Variants in APBB2 observed in about 807,000 individuals in gnomAD.
APBB2 encodes Fe65-like 1.
APBB2 carries 38 observed loss-of-function variants against 82.5 expected under a neutral mutation model. The ratio of observed to expected loss-of-function variants is 0.46; its 90% CI spans 0.36 to 0.60. The LOEUF (loss-of-function observed/expected upper bound fraction) is 0.60. APBB2 is among the 20% of genes least tolerant of loss of function. The pLI, the probability that APBB2 is intolerant of heterozygous loss-of-function variation, is 0.00. For missense variants in APBB2, 772 were observed against 972.3 expected, an observed-to-expected ratio of 0.79 and a Z score of 2.74; for synonymous variants, 341 against 368.2, an observed-to-expected ratio of 0.93 and a Z score of 0.85.
chr4:40,821,738 G>A (rs1412839661), intron 17 of APBB2, 133 bp downstream of exon 17: 5 of 1,018,812 alleles, frequency 4.9e-6, no homozygotes, highest in Admixed American at 2.7e-5. Context: ...TAGGAATGAC[G>A]GCGTTATAAA....
chr4:41,067,587 T>C (rs1014451337), intron 3 of APBB2, among the ~76,000 whole-genome samples: 1 of 152,050 alleles, frequency 6.6e-6, no homozygotes, highest in Non-Finnish European at 1.5e-5. Context: ...TGCAGGAACA[T>C]AGACAGAAGG....
chr4:40,916,222 C>T (rs1301608167), intron 10 of APBB2, among the ~76,000 whole-genome samples: 1 of 152,184 alleles, frequency 6.6e-6, no homozygotes, highest in East Asian at 1.9e-4. Flanking sequence ...AAGGAGACCA[C>T]AGTCAGCCAC....
At chr4:41,110,711 T>C (rs1455415097) in intron 2 of APBB2, among the ~76,000 whole-genome samples, 2 of 152,084 alleles carry the variant, frequency 1.3e-5, no homozygotes, top group Non-Finnish European at 1.5e-5. Context: ...TCTGAGCCCC[T>C]TTGCATCCCC....
chr4:40,854,524 C>T (rs1040204667), intron 12 of APBB2, among the ~76,000 whole-genome samples: 3 of 152,102 alleles, frequency 2.0e-5, no homozygotes, highest in Admixed American at 6.5e-5. Flanking sequence ...CGGTGGCTCA[C>T]GCCTGTAATC....
intron 1 of APBB2, among the ~76,000 whole-genome samples, chr4:41,183,185 C>T (rs989460913): frequency 6.6e-6 from 1 of 152,182 alleles, no homozygotes; most frequent in African/African-American, 2.4e-5. Flanking sequence ...AACCTGTCCA[C>T]ACCACCGCCC....
intron 6 of APBB2, among the ~76,000 whole-genome samples, chr4:40,987,841 C>G (rs1235586474): frequency 2.0e-5 from 3 of 152,106 alleles, no homozygotes; most frequent in Non-Finnish European, 4.4e-5. Flanking sequence ...GAATGGTCAC[C>G]TCTCTAGAAT....
chr4:41,189,360 G>A (rs1773783415), intron 1 of APBB2, among the ~76,000 whole-genome samples: 1 of 152,166 alleles, frequency 6.6e-6, no homozygotes, highest in East Asian at 1.9e-4. Context: ...CTGTCTGGAA[G>A]GGGCAGGAGG....
chr4:41,062,347 A>T (rs144273254), intron 4 of APBB2, among the ~76,000 whole-genome samples: 6,594 of 148,978 alleles, frequency 0.044, 218 homozygotes, highest in Middle Eastern at 0.079. Context: ...TAATTTTTGT[A>T]TTTTTTTTTT....
intron 2 of APBB2, among the ~76,000 whole-genome samples, chr4:41,137,303 G>C (rs1044641303): frequency 1.3e-5 from 2 of 152,138 alleles, no homozygotes; most frequent in African/African-American, 2.4e-5. Context: ...GATTAAGACA[G>C]AGGTAATGAA....
intron 12 of APBB2, among the ~76,000 whole-genome samples, chr4:40,883,551 C>T (rs778283539): frequency 2.6e-5 from 4 of 152,170 alleles, no homozygotes; most frequent in Non-Finnish European, 5.9e-5. Flanking sequence ...CATGCTACTG[C>T]ACTCCAGCCT....
chr4:40,857,427 C>T (rs115990153), intron 12 of APBB2, among the ~76,000 whole-genome samples: 157 of 152,310 alleles, frequency 1.0e-3, no homozygotes, highest in African/African-American at 3.7e-3. Context: ...CCCACTGAAC[C>T]TCTTTAGAAA....
At chr4:40,971,145 C>G (rs1332988999) in intron 6 of APBB2, among the ~76,000 whole-genome samples, 1 of 152,184 alleles carries the variant, frequency 6.6e-6, no homozygotes, top group African/African-American at 2.4e-5. Flanking sequence ...CAGTAGATTT[C>G]TACCGACTGA....
intron 5 of APBB2, among the ~76,000 whole-genome samples, chr4:41,031,098 G>A (rs1716579933): frequency 1.3e-5 from 2 of 152,154 alleles, no homozygotes; most frequent in Admixed American, 1.3e-4. Flanking sequence ...CATGGCACAT[G>A]CCTGTAATCC....
At chr4:41,147,979 T>C (rs373824873) in intron 1 of APBB2, among the ~76,000 whole-genome samples, 49 of 152,312 alleles carry the variant, frequency 3.2e-4, no homozygotes, top group East Asian at 3.1e-3. Context: ...GGAATATTTT[T>C]ATTATAAAAA....
At chr4:40,877,601 C>T (rs73242090) in intron 12 of APBB2, among the ~76,000 whole-genome samples, 8,079 of 152,250 alleles carry the variant, frequency 0.053, 317 homozygotes, top group Non-Finnish European at 0.083. Flanking sequence ...ATGCCTTAAT[C>T]GGTGCTATAT....
intron 6 of APBB2, among the ~76,000 whole-genome samples, chr4:40,991,704 A>G (rs1027837539): frequency 1.3e-5 from 2 of 152,118 alleles, no homozygotes; most frequent in Admixed American, 1.3e-4. Context: ...CCTAAAACAG[A>G]CACACTTGTT....
At chr4:40,988,607 C>T (rs1300007525) in intron 6 of APBB2, among the ~76,000 whole-genome samples, 9 of 122,336 alleles carry the variant, frequency 7.4e-5, no homozygotes, top group African/African-American at 2.8e-4. Context: ...CACTGCACTC[C>T]AGCCTGGGCG....
intron 10 of APBB2, among the ~76,000 whole-genome samples, chr4:40,908,840 C>G (rs1777784748): frequency 6.6e-6 from 1 of 152,194 alleles, no homozygotes; most frequent in Admixed American, 6.5e-5. Flanking sequence ...AGTGTGGGTG[C>G]CCTTGTGCAA....
chr4:41,126,079 C>T (rs1754295999), intron 2 of APBB2, among the ~76,000 whole-genome samples: 1 of 151,888 alleles, frequency 6.6e-6, no homozygotes, highest in Non-Finnish European at 1.5e-5. Context: ...ATGCAGCTTC[C>T]AACAAAAATG....
Sources: gnomAD v4.1 joint callset for allele counts (sites outside exome capture counted in the v4.1 genomes callset) on GRCh38, gnomAD v4.1.1 for gene constraint, MANE v1.5 for transcripts, NCBI Gene and HGNC (gene_info 2026-07-23, HGNC 2026-07-21) for gene names.